Variants in CPXM2 observed in about 807,000 individuals in gnomAD.
CPXM2 encodes the protein carboxypeptidase X, M14 family member 2.
A neutral mutation model predicts 86.1 loss-of-function variants in CPXM2; 66 were observed. The observed-to-expected ratio is 0.77, with a 90% CI of 0.63 to 0.94. CPXM2 has a LOEUF of 0.94. Ranked by LOEUF, CPXM2 falls within the 40% of genes least tolerant of loss-of-function variation. CPXM2 has a pLI of 0.00. For synonymous variants in CPXM2, 388 were observed against 400.2 expected (o/e 0.97, Z 0.36); for missense variants, 948 against 1,026.3 (o/e 0.92, Z 1.04).
At position 123,840,919 on chromosome 10, in the gene CPXM2, A is replaced by G. The variant is rs189007126; in HGVS notation, c.653+1430T>C. On this transcript the variant is annotated intron_variant, in intron 4 of 13. Coordinates refer to ENST00000241305, the MANE Select transcript of CPXM2 (RefSeq NM_198148.3). The stretch of plus-strand genomic sequence containing the variant: ...ACCTTCCAGAAATTAAAATTAATCT[A>G]GTCAGCAAATTAAACTCTGATTTTA... Among the ~76,000 whole-genome samples the G allele has an allele frequency of 2.2e-3, 341 of 152,334 alleles. 2 individuals carry two copies. The highest frequency in any genetic ancestry group is 7.8e-3 in the African/African-American group (324 of 41,576).
chr10:123,915,226 A>G (rs1371446726), intron 2 of CPXM2, among the ~76,000 whole-genome samples: 2 of 152,102 alleles, frequency 1.3e-5, no homozygotes, highest in Non-Finnish European at 2.9e-5. Flanking sequence ...TCATCCCTGC[A>G]TGGCAGGGAG....
chr10:123,912,256 G>T (rs1461781879), intron 2 of CPXM2, among the ~76,000 whole-genome samples: 1 of 137,172 alleles, frequency 7.3e-6, no homozygotes, highest in East Asian at 2.4e-4. Flanking sequence ...ATCACATGAT[G>T]GTCACCCAAC....
At chr10:123,789,653 T>A (rs143627536) in intron 6 of CPXM2, among the ~76,000 whole-genome samples, 150 of 152,340 alleles carry the variant, frequency 9.8e-4, no homozygotes, top group African/African-American at 3.3e-3. Context: ...AAGGCAATTT[T>A]CCTTCTATAG....
chr10:123,841,293 A>C (rs1292032599), intron 4 of CPXM2, among the ~76,000 whole-genome samples: 1 of 152,194 alleles, frequency 6.6e-6, no homozygotes. Context: ...CCGTCTCCAC[A>C]ACCAGCCCTG....
intron 2 of CPXM2, among the ~76,000 whole-genome samples, chr10:123,904,887 A>G (rs1398837490): frequency 3.8e-5 from 1 of 26,440 alleles, no homozygotes; most frequent in Non-Finnish European, 7.5e-5. Flanking sequence ...CCACCCACCC[A>G]CCTGGAGGGC....
chr10:123,752,496 G>T, intron 13 of CPXM2: 5 of 985,334 alleles, frequency 5.1e-6, no homozygotes, highest in Non-Finnish European at 6.0e-6. Context: ...GGTCTTTTAT[G>T]CCAGGCCCAC....
At chr10:123,806,865 C>T (rs1187153251) in intron 4 of CPXM2, among the ~76,000 whole-genome samples, 1 of 152,070 alleles carries the variant, frequency 6.6e-6, no homozygotes, top group Non-Finnish European at 1.5e-5. Context: ...CCCACCACGT[C>T]CCTCCCCTAC....
At chr10:123,909,944 C>T (rs1249668779) in intron 2 of CPXM2, among the ~76,000 whole-genome samples, 2 of 152,180 alleles carry the variant, frequency 1.3e-5, no homozygotes, top group Middle Eastern at 3.2e-3. Flanking sequence ...AAGATGCCCT[C>T]GAGAGAGGTG....
intron 2 of CPXM2, among the ~76,000 whole-genome samples, chr10:123,908,755 G>A (rs548242019): frequency 6.6e-6 from 1 of 152,292 alleles, no homozygotes; most frequent in South Asian, 2.1e-4. Flanking sequence ...ACAGCCATGA[G>A]GTTTTTAATG....
chr10:123,812,826 C>G (rs1418928672), intron 4 of CPXM2, among the ~76,000 whole-genome samples: 3 of 152,112 alleles, frequency 2.0e-5, no homozygotes, highest in African/African-American at 7.2e-5. Context: ...CCACCCCTTC[C>G]CCATCCCCCA....
At chr10:123,879,501 C>G (rs1341291890) in intron 2 of CPXM2, among the ~76,000 whole-genome samples, 1 of 152,070 alleles carries the variant, frequency 6.6e-6, no homozygotes, top group African/African-American at 2.4e-5. Context: ...TACCCATAGT[C>G]AGGGGGGCAC....
rs970779420 is a variant in CPXM2 at position 123,770,311 on chromosome 10, C to CA, written c.1102+604dup. Among the ~76,000 whole-genome samples the CA allele has an allele frequency of 2.2e-4, 34 of 151,798 alleles. No homozygotes were observed. The South Asian group carries it at 2.7e-3, about 12-fold the overall frequency. ...AAACAAACAAACAAAACAAAACAAA[C>CA]AAAAAAAACCACTTCCGGAGAGGAA... is the stretch of plus-strand genomic sequence containing the variant. On this transcript the variant is annotated intron_variant, in intron 8 of 13. Coordinates refer to ENST00000241305, the MANE Select transcript of CPXM2 (RefSeq NM_198148.3).
chr10:123,860,513 C>T (rs952899722), intron 3 of CPXM2, among the ~76,000 whole-genome samples: 8 of 152,250 alleles, frequency 5.3e-5, no homozygotes, highest in Non-Finnish European at 1.2e-4. Context: ...AACCCCAACA[C>T]ATTTAGGATT....
At chr10:123,760,966 A>G (rs1863731) in intron 11 of CPXM2, among the ~76,000 whole-genome samples, 131,899 of 152,056 alleles carry the variant, frequency 0.87, 57,327 homozygotes, top group Admixed American at 0.88. Flanking sequence ...CCCTCACAAA[A>G]GGAAGGAAAC....
intron 2 of CPXM2, among the ~76,000 whole-genome samples, chr10:123,912,400 G>T (rs74754997): frequency 0.051 from 7,709 of 151,672 alleles, 252 homozygotes; most frequent in East Asian, 0.11. Flanking sequence ...GAGGCCTGTT[G>T]CACTGGCATT....
intron 2 of CPXM2, among the ~76,000 whole-genome samples, chr10:123,870,432 C>T (rs1317600461): frequency 6.6e-6 from 1 of 152,208 alleles, no homozygotes; most frequent in Non-Finnish European, 1.5e-5. Flanking sequence ...AAACTCACAG[C>T]CCTCCTGAAC....
At chr10:123,811,197 A>T (rs111588759) in intron 4 of CPXM2, among the ~76,000 whole-genome samples, 1 of 150,208 alleles carries the variant, frequency 6.7e-6, no homozygotes, top group African/African-American at 2.5e-5. Flanking sequence ...TGTGCACAAC[A>T]TGCAGGTTTG....
At chr10:123,799,286 G>T in intron 4 of CPXM2, 87 bp from the exon 5 acceptor site, 1 of 1,523,890 alleles carries the variant, frequency 6.6e-7, no homozygotes, top group Non-Finnish European at 9.0e-7. Context: ...GAGAGCAGGT[G>T]CCAGAGGCAG....
intron 13 of CPXM2, chr10:123,752,190 T>C (rs1846094516): frequency 1.0e-6 from 1 of 985,282 alleles, no homozygotes; most frequent in Admixed American, 6.1e-5. Context: ...CTCTGCGTGG[T>C]CTCTGGCACA....
Sources: gnomAD v4.1 joint callset for allele counts (sites outside exome capture counted in the v4.1 genomes callset) on GRCh38, gnomAD v4.1.1 for gene constraint, MANE v1.5 for transcripts, NCBI Gene and HGNC (gene_info 2026-07-23, HGNC 2026-07-21) for gene names.